PHF24: variants seen among roughly 807,000 people sequenced by gnomAD.
PHF24 encodes PHD finger protein 24.
A neutral mutation model predicts 42.6 loss-of-function variants in PHF24; 25 were observed. The observed-to-expected ratio is 0.59, with a 90% confidence interval of 0.43 to 0.82. The LOEUF (loss-of-function observed/expected upper bound fraction) is 0.82. PHF24 is among the 40% of genes least tolerant of loss of function. The probability of loss-of-function intolerance (pLI) is 0.00; values close to 1 mark genes in which losing one functional copy is unlikely to be tolerated. For missense variants in PHF24, 470 were observed against 538.1 expected (o/e 0.87, Z 1.25); for synonymous variants, 185 against 204.8 (o/e 0.90, Z 0.83).
At chr9:34,789,335 C>T in the PHF24 span, among the ~76,000 whole-genome samples, 7 of 152,306 alleles carry the variant, frequency 4.6e-5, no homozygotes, top group South Asian at 1.5e-3. Context: ...TCTCTATTTT[C>T]CTTCAATAAG....
At chr9:34,886,049 A>G in the PHF24 span, among the ~76,000 whole-genome samples, 5 of 151,770 alleles carry the variant, frequency 3.3e-5, no homozygotes, top group African/African-American at 1.2e-4. Context: ...TATCTCCTCC[A>G]TCATTAACTC....
At chr9:34,701,557 T>C in the PHF24 span, among the ~76,000 whole-genome samples, 1 of 152,046 alleles carries the variant, frequency 6.6e-6, no homozygotes, top group African/African-American at 2.4e-5. The surrounding 1 kb of genome is among the most constrained non-coding windows in gnomAD (Gnocchi z 5.8). Context: ...GAGGCTGCGG[T>C]GAGCGGGCGT....
chr9:34,700,387 A>G, the PHF24 span, among the ~76,000 whole-genome samples: 1 of 152,308 alleles, frequency 6.6e-6, no homozygotes, highest in Non-Finnish European at 1.5e-5. Context: ...GTTGGTGAGA[A>G]GTGCTCAGAT....
chr9:34,699,703 G>A, the PHF24 span, among the ~76,000 whole-genome samples: 1 of 152,196 alleles, frequency 6.6e-6, no homozygotes, highest in African/African-American at 2.4e-5. Flanking sequence ...TAATAATAAA[G>A]AAGGCATCTG....
At chr9:34,783,292 C>A in the PHF24 span, among the ~76,000 whole-genome samples, 1 of 152,132 alleles carries the variant, frequency 6.6e-6, no homozygotes, top group Non-Finnish European at 1.5e-5. Flanking sequence ...CATGAAAGGG[C>A]CCGATAACTT....
chr9:34,715,922 G>A, the PHF24 span, among the ~76,000 whole-genome samples: 17 of 152,348 alleles, frequency 1.1e-4, no homozygotes, highest in South Asian at 3.3e-3. Flanking sequence ...TGCCTGGTGG[G>A]GTTTCCAGGG....
At chr9:34,889,802 C>T in the PHF24 span, among the ~76,000 whole-genome samples, 1 of 152,132 alleles carries the variant, frequency 6.6e-6, no homozygotes, top group South Asian at 2.1e-4. Context: ...AAAATTTACC[C>T]CTTCAAATAC....
the PHF24 span, among the ~76,000 whole-genome samples, chr9:34,930,601 T>C: frequency 2.0e-5 from 3 of 152,228 alleles, no homozygotes; most frequent in Admixed American, 1.3e-4. Flanking sequence ...CTGGTATTTA[T>C]GAAGATTTCT....
the PHF24 span, among the ~76,000 whole-genome samples, chr9:34,697,510 G>T: frequency 3.3e-5 from 5 of 152,084 alleles, no homozygotes; most frequent in African/African-American, 1.2e-4. Context: ...AGTAGAGATG[G>T]GGTTTCATCA....
At chr9:34,927,390 T>C in the PHF24 span, among the ~76,000 whole-genome samples, 1 of 152,016 alleles carries the variant, frequency 6.6e-6, no homozygotes, top group African/African-American at 2.4e-5. Flanking sequence ...GAGTTTGCTC[T>C]TTTCTCAAGA....
the PHF24 span, among the ~76,000 whole-genome samples, chr9:34,899,097 C>T: frequency 6.6e-6 from 1 of 152,144 alleles, no homozygotes; most frequent in Non-Finnish European, 1.5e-5. Context: ...AACAAGGGCT[C>T]ATTCATGTAA....
chr9:34,691,003 A>C, the PHF24 span: 3 of 1,184,428 alleles, frequency 2.5e-6, no homozygotes, highest in Non-Finnish European at 2.4e-6. Flanking sequence ...CATGTCCCTT[A>C]CGTCCAGTGC....
chr9:34,974,831 T>G (rs1157497982), intron 3 of PHF24, among the ~76,000 whole-genome samples: 1 of 152,124 alleles, frequency 6.6e-6, no homozygotes, highest in Non-Finnish European at 1.5e-5. Context: ...AAACCTGCTC[T>G]TCCTCCACTC....
At chr9:34,939,248 T>C in the PHF24 span, among the ~76,000 whole-genome samples, 2 of 152,172 alleles carry the variant, frequency 1.3e-5, no homozygotes, top group Non-Finnish European at 2.9e-5. Flanking sequence ...CATTGCACTC[T>C]AGCCTGGGCA....
At chr9:34,961,026 T>C (rs1003592189) in intron 1 of PHF24, among the ~76,000 whole-genome samples, 1 of 152,222 alleles carries the variant, frequency 6.6e-6, no homozygotes, top group African/African-American at 2.4e-5. Context: ...TCTTCTAACA[T>C]TGTCTTCTTC....
chr9:34,700,868 A>C, the PHF24 span, among the ~76,000 whole-genome samples: 20 of 152,272 alleles, frequency 1.3e-4, no homozygotes, highest in East Asian at 3.9e-3. Flanking sequence ...TCATGGCAAA[A>C]AGGGAAAGGA....
chr9:34,784,435 A>C, the PHF24 span, among the ~76,000 whole-genome samples: 3 of 152,186 alleles, frequency 2.0e-5, no homozygotes, highest in African/African-American at 7.2e-5. Context: ...GTAAGGAGTG[A>C]AGGAAATCCT....
chr9:34,962,037 T>A (rs1273497251), intron 1 of PHF24, among the ~76,000 whole-genome samples: 7 of 151,982 alleles, frequency 4.6e-5, no homozygotes, highest in Non-Finnish European at 8.8e-5. Flanking sequence ...TGCGAAGGAG[T>A]TTCCTGTTGG....
the PHF24 span, among the ~76,000 whole-genome samples, chr9:34,727,688 A>T: frequency 6.6e-6 from 1 of 152,202 alleles, no homozygotes; most frequent in Non-Finnish European, 1.5e-5. Context: ...GACAAGGATG[A>T]CTTCTTTATT....
Sources: gnomAD v4.1 joint callset for allele counts (sites outside exome capture counted in the v4.1 genomes callset) on GRCh38, gnomAD v4.1.1 for gene constraint, Gnocchi (gnomAD v3.1) non-coding constraint, MANE v1.5 for transcripts, NCBI Gene and HGNC (gene_info 2026-07-23, HGNC 2026-07-21) for gene names.